Variants in DYNC1I1 observed in about 807,000 individuals in gnomAD.
DYNC1I1 encodes dynein cytoplasmic 1 intermediate chain 1.
A neutral mutation model predicts 86.6 loss-of-function variants in DYNC1I1; 43 were observed. The ratio of observed to expected loss-of-function variants is 0.50; its 90% CI spans 0.39 to 0.64. The LOEUF (loss-of-function observed/expected upper bound fraction) is 0.64. DYNC1I1 is among the 30% of genes least tolerant of loss of function. The pLI is 0.00. For missense variants in DYNC1I1, 604 were observed against 788.8 expected (o/e 0.77, Z 2.81); for synonymous variants, 262 against 283.7 (o/e 0.92, Z 0.77).
intron 6 of DYNC1I1, among the ~76,000 whole-genome samples, chr7:95,944,209 G>T (rs893856374): frequency 1.5e-4 from 23 of 152,168 alleles, no homozygotes; most frequent in African/African-American, 5.3e-4. Flanking sequence ...CAAAAAGTGG[G>T]CAAAGGATAT....
At chr7:95,798,954 A>C (rs1794512180) in intron 1 of DYNC1I1, among the ~76,000 whole-genome samples, 1 of 152,230 alleles carries the variant, frequency 6.6e-6, no homozygotes, top group Admixed American at 6.5e-5. Flanking sequence ...TAAGAAATGT[A>C]AAGGAGATGT....
chr7:96,103,548 CA>C (rs1159417132), intron 16 of DYNC1I1, among the ~76,000 whole-genome samples: 8 of 152,122 alleles, frequency 5.3e-5, no homozygotes, highest in Admixed American at 5.2e-4. Flanking sequence ...CAAAGCATAC[CA>C]ATGGCTTTCA....
rs955244026 is a variant in DYNC1I1, at chr7:96,040,450, T to A, written c.1509+1029T>A. On this transcript the variant is annotated intron_variant, in intron 14 of 16. Transcript: ENST00000447467. ...AAAGCCACAGAAACTGGTGATTGATTTGATAGAAGGAAGGTAGGAGAGGGA... is the reference window on the plus strand; with the variant it reads ...AAAGCCACAGAAACTGGTGATTGATATGATAGAAGGAAGGTAGGAGAGGGA... Among the ~76,000 whole-genome samples the A allele has an allele frequency of 2.0e-5, 3 of 151,872 alleles. No homozygotes were observed. In the East Asian group the frequency reaches 5.8e-4, roughly 30 times the overall value.
At chr7:95,984,614 T>C (rs917430382) in intron 7 of DYNC1I1, among the ~76,000 whole-genome samples, 5 of 152,168 alleles carry the variant, frequency 3.3e-5, no homozygotes, top group Non-Finnish European at 5.9e-5. Context: ...ATATGCAATC[T>C]TTTTGTGGGG....
intron 6 of DYNC1I1, among the ~76,000 whole-genome samples, chr7:95,923,384 C>T (rs566558206): frequency 6.6e-6 from 1 of 152,088 alleles, no homozygotes; most frequent in Non-Finnish European, 1.5e-5. Flanking sequence ...AGAGAGACCC[C>T]CTACACTGAC....
In DYNC1I1 at chr7:95,814,814, C is replaced by A. The variant is rs1337502141; in HGVS notation, c.314+1477C>A. ...AAAAAAAAGTAGAGGTTTTTGAGGG[C>A]ATAAAGCTGGTTTATTTTAGCAAAT... On this transcript the variant is annotated intron_variant, in intron 4 of 16. Transcript: ENST00000447467. Among the ~76,000 whole-genome samples, 3 of 152,034 alleles carry A rather than the reference C, an allele frequency of 2.0e-5. No individual in the cohort carries two copies. The East Asian group carries it at 5.8e-4, about 29-fold the overall frequency.
At chr7:95,830,234 C>T (rs1795291096) in intron 5 of DYNC1I1, among the ~76,000 whole-genome samples, 1 of 152,084 alleles carries the variant, frequency 6.6e-6, no homozygotes, top group Non-Finnish European at 1.5e-5. Context: ...ATAAACTACA[C>T]ATATTAAAAC....
intron 3 of DYNC1I1, among the ~76,000 whole-genome samples, chr7:95,811,896 C>T (rs1794838847): frequency 6.6e-6 from 1 of 152,110 alleles, no homozygotes; most frequent in Non-Finnish European, 1.5e-5. Flanking sequence ...TGGTTAAATA[C>T]AATAATAGTA....
intron 14 of DYNC1I1, among the ~76,000 whole-genome samples, chr7:96,073,476 G>T (rs978168103): frequency 2.0e-5 from 3 of 152,098 alleles, no homozygotes; most frequent in Non-Finnish European, 4.4e-5. Flanking sequence ...GATAATTAAA[G>T]AATTAATGTA....
At chr7:95,985,111 A>G in intron 8 of DYNC1I1, 134 bp downstream of exon 8, 1 of 1,227,682 alleles carries the variant, frequency 8.1e-7, no homozygotes. Flanking sequence ...ATCTTGCTGA[A>G]CAGCTTTGAC....
rs370697083 is a variant in DYNC1I1 at position 96,040,195 on chromosome 7, C to T, written c.1509+774C>T. On this transcript the variant is annotated intron_variant, in intron 14 of 16. Coordinates refer to ENST00000447467, the MANE Select transcript of DYNC1I1 (RefSeq NM_001135556.2). Reference sequence around the variant, plus strand: ...GTTGCAGTGAGCCGAGATTGGGCCACTGCATTCCAGCCTGGGTGACAGAGC... The same window carrying T: ...GTTGCAGTGAGCCGAGATTGGGCCATTGCATTCCAGCCTGGGTGACAGAGC... Among the ~76,000 whole-genome samples the T allele has an allele frequency of 3.9e-4, 59 of 152,052 alleles. 2 individuals are homozygous for T. In the South Asian group the frequency reaches 0.011, roughly 29 times the overall value.
chr7:95,849,975 C>T (rs144838753), intron 5 of DYNC1I1, among the ~76,000 whole-genome samples: 1 of 151,966 alleles, frequency 6.6e-6, no homozygotes, highest in African/African-American at 2.4e-5. Context: ...ATTTTGGTCT[C>T]TATTGTAAAT....
chr7:95,909,465 G>A (rs1225457529), intron 6 of DYNC1I1, among the ~76,000 whole-genome samples: 2 of 152,030 alleles, frequency 1.3e-5, no homozygotes, highest in Non-Finnish European at 2.9e-5. Context: ...CTACAGCCGG[G>A]GTTTCAGGGG....
chr7:95,943,823 G>A (rs1406946202), intron 6 of DYNC1I1, among the ~76,000 whole-genome samples: 4 of 151,492 alleles, frequency 2.6e-5, no homozygotes, highest in Non-Finnish European at 5.9e-5. Context: ...CTAGCCATAT[G>A]TAGAAAGCTG....
chr7:96,091,181 G>C (rs1790832957), intron 16 of DYNC1I1, among the ~76,000 whole-genome samples: 1 of 152,150 alleles, frequency 6.6e-6, no homozygotes, highest in South Asian at 2.1e-4. Flanking sequence ...TTAGAGCTTA[G>C]AGGGGGTTAG....
chr7:95,810,251 T>A (rs988116232), intron 2 of DYNC1I1, 141 bp from the exon 3 acceptor site: 44 of 503,432 alleles, frequency 8.7e-5, no homozygotes, highest in Middle Eastern at 9.3e-4. Context: ...TGGTGTTTAT[T>A]CATCCTTTAT....
chr7:95,782,623 A>G (rs1344366172), intron 1 of DYNC1I1, among the ~76,000 whole-genome samples: 1 of 152,248 alleles, frequency 6.6e-6, no homozygotes, highest in East Asian at 1.9e-4. Flanking sequence ...TATTGTCCGT[A>G]GATGGCTAAG....
chr7:96,078,572 T>G (rs1455879346), intron 15 of DYNC1I1, among the ~76,000 whole-genome samples: 3 of 152,188 alleles, frequency 2.0e-5, no homozygotes, highest in Non-Finnish European at 4.4e-5. Context: ...AGTACTTATA[T>G]TCCAAATAAA....
At chr7:95,976,347 A>G (rs373779320) in intron 6 of DYNC1I1, among the ~76,000 whole-genome samples, 54 of 152,190 alleles carry the variant, frequency 3.5e-4, no homozygotes, top group African/African-American at 1.1e-3. Context: ...TGATATTCCT[A>G]CCACAAATCA....
Sources: gnomAD v4.1 joint callset for allele counts (sites outside exome capture counted in the v4.1 genomes callset) on GRCh38, gnomAD v4.1.1 for gene constraint, MANE v1.5 for transcripts, NCBI Gene and HGNC (gene_info 2026-07-23, HGNC 2026-07-21) for gene names.